Variants in MACROD2 observed in about 807,000 individuals in gnomAD.
MACROD2 encodes mono-ADP ribosylhydrolase 2, also known as ADP-ribose glycohydrolase MACROD2.
MACROD2 carries 36 observed loss-of-function variants against 70.4 expected under a neutral mutation model. The ratio of observed to expected loss-of-function variants is 0.51; its 90% CI spans 0.39 to 0.68. The LOEUF (loss-of-function observed/expected upper bound fraction) is 0.68, where lower values mean the gene tolerates loss of function less well. Among genes scored for constraint, MACROD2 ranks in the 30% least tolerant of loss-of-function variants. The pLI, the probability that MACROD2 is intolerant of heterozygous loss-of-function variation, is 0.00. For synonymous variants in MACROD2, 172 were observed against 178.8 expected (o/e 0.96, Z 0.30); for missense variants, 496 against 538.4 (o/e 0.92, Z 0.78).
intron 4 of MACROD2, among the ~76,000 whole-genome samples, chr20:14,573,005 G>A (rs1980311522): frequency 6.6e-6 from 1 of 151,812 alleles, no homozygotes; most frequent in Non-Finnish European, 1.5e-5. Context: ...TCAGAGAAAA[G>A]TAGAGAATAG....
intron 4 of MACROD2, among the ~76,000 whole-genome samples, chr20:14,600,072 A>G (rs1237788741): frequency 6.6e-6 from 1 of 152,116 alleles, no homozygotes; most frequent in East Asian, 1.9e-4. Context: ...TAGTGCTGCC[A>G]TGATAGGAAA....
intron 5 of MACROD2, among the ~76,000 whole-genome samples, chr20:14,987,953 T>C (rs932353497): frequency 3.3e-5 from 5 of 152,182 alleles, no homozygotes; most frequent in Non-Finnish European, 7.4e-5. Context: ...GCTCTGGATC[T>C]AGGAGAGAAT....
At chr20:14,871,357 G>C (rs1329779868) in intron 5 of MACROD2, among the ~76,000 whole-genome samples, 1 of 152,002 alleles carries the variant, frequency 6.6e-6, no homozygotes, top group African/African-American at 2.4e-5. Context: ...AGAGATTGAG[G>C]GCCAATATTT....
chr20:14,427,277 C>T, intron 3 of MACROD2, among the ~76,000 whole-genome samples: 1 of 151,940 alleles, frequency 6.6e-6, no homozygotes, highest in East Asian at 1.9e-4. Flanking sequence ...ATAAATCTAG[C>T]AGATATTTTT....
intron 5 of MACROD2, among the ~76,000 whole-genome samples, chr20:15,046,544 TGC>T (rs1347922433): frequency 1.3e-5 from 2 of 152,236 alleles, no homozygotes; most frequent in Admixed American, 1.3e-4. Flanking sequence ...TAGGTATGTG[TGC>T]GCACACACAC....
At chr20:15,349,118 C>A (rs567252318) in intron 6 of MACROD2, among the ~76,000 whole-genome samples, 1 of 151,942 alleles carries the variant, frequency 6.6e-6, no homozygotes, top group Non-Finnish European at 1.5e-5. Flanking sequence ...TTTAACTTGG[C>A]CTTCATATTG....
intron 17 of MACROD2, among the ~76,000 whole-genome samples, chr20:16,044,987 A>G (rs2067360220): frequency 2.0e-5 from 3 of 152,160 alleles, no homozygotes; most frequent in Admixed American, 6.6e-5. Context: ...TTGCTTTTCT[A>G]GAAGCTACCT....
At chr20:14,452,242 C>A (rs543521126) in intron 3 of MACROD2, among the ~76,000 whole-genome samples, 151 of 152,074 alleles carry the variant, frequency 9.9e-4, no homozygotes, top group Non-Finnish European at 1.8e-3. Flanking sequence ...TTGCACATGG[C>A]TAATAACAGT....
intron 3 of MACROD2, among the ~76,000 whole-genome samples, chr20:14,208,234 G>A (rs1047426329): frequency 2.6e-5 from 4 of 152,014 alleles, no homozygotes; most frequent in Admixed American, 2.6e-4. Context: ...CAGGGTCTTG[G>A]GTATATTGAA....
chr20:15,126,848 A>T (rs1195895740), intron 5 of MACROD2, among the ~76,000 whole-genome samples: 1 of 152,178 alleles, frequency 6.6e-6, no homozygotes, highest in Admixed American at 6.6e-5. Context: ...TTTAAAAAAA[A>T]TCTAAGTTGA....
chr20:15,966,850 A>G (rs1378439486), intron 12 of MACROD2, among the ~76,000 whole-genome samples: 1 of 152,186 alleles, frequency 6.6e-6, no homozygotes, highest in Non-Finnish European at 1.5e-5. Flanking sequence ...GTACTTTTTA[A>G]AGAGCCTCCA....
At chr20:15,210,362 G>A (rs1487530389) in intron 5 of MACROD2, among the ~76,000 whole-genome samples, 2 of 152,126 alleles carry the variant, frequency 1.3e-5, no homozygotes, top group Non-Finnish European at 2.9e-5. Flanking sequence ...CAGATTTCAT[G>A]GAGTTAACAG....
chr20:14,955,887 T>C (rs2074532252), intron 5 of MACROD2, among the ~76,000 whole-genome samples: 1 of 152,078 alleles, frequency 6.6e-6, no homozygotes, highest in Non-Finnish European at 1.5e-5. Flanking sequence ...GGACCCACAA[T>C]CACTATCTCA....
At chr20:14,094,930 A>G (rs1162646675) in intron 3 of MACROD2, among the ~76,000 whole-genome samples, 1 of 151,212 alleles carries the variant, frequency 6.6e-6, no homozygotes, top group Non-Finnish European at 1.5e-5. Context: ...CCTCCCACCC[A>G]CTTTCTCTTT....
chr20:15,584,175 G>GC (rs907598811), intron 8 of MACROD2, among the ~76,000 whole-genome samples: 14 of 152,206 alleles, frequency 9.2e-5, no homozygotes, highest in African/African-American at 3.1e-4. Context: ...TAAAAATGCA[G>GC]CCCCCTGGAT....
chr20:14,419,218 C>A (rs2083847654), intron 3 of MACROD2, among the ~76,000 whole-genome samples: 1 of 152,086 alleles, frequency 6.6e-6, no homozygotes, highest in African/African-American at 2.4e-5. Context: ...CCATGCCCGG[C>A]TAATTTTGTA....
At chr20:14,014,153 C>T (rs577659406) in intron 2 of MACROD2, among the ~76,000 whole-genome samples, 8 of 152,156 alleles carry the variant, frequency 5.3e-5, no homozygotes, top group South Asian at 4.1e-4. Flanking sequence ...TTTTGGTCAG[C>T]GTGAACAGAT....
intron 3 of MACROD2, among the ~76,000 whole-genome samples, chr20:14,417,015 C>T (rs2083813021): frequency 6.6e-6 from 1 of 152,168 alleles, no homozygotes; most frequent in Non-Finnish European, 1.5e-5. Context: ...AGACACCACA[C>T]ACACACGCTA....
intron 5 of MACROD2, among the ~76,000 whole-genome samples, chr20:14,969,361 T>TACACACAC (rs3045701): frequency 0.044 from 6,104 of 137,852 alleles, 145 homozygotes; most frequent in East Asian, 0.12. Context: ...TAAATGCTTT[T>TACACACAC]ACACACACAC....
Sources: allele counts gnomAD v4.1 joint callset (sites outside exome capture counted in the v4.1 genomes callset), GRCh38; gene constraint gnomAD v4.1.1; transcripts MANE v1.5; gene names NCBI Gene and HGNC (gene_info 2026-07-23, HGNC 2026-07-21).